The following DLGAP2 variants were observed in gnomAD, a reference collection of about 807,000 sequenced individuals.
DLGAP2 encodes the protein DLG associated protein 2.
DLGAP2 carries 26 observed loss-of-function variants against 100.3 expected under a neutral mutation model. That is an observed-to-expected ratio of 0.26 (90% CI 0.19 to 0.36). The LOEUF is 0.36. DLGAP2 is among the 10% of genes least tolerant of loss of function. The pLI is 1.00. For synonymous variants in DLGAP2, 886 were observed against 630.1 expected (o/e 1.41, Z -6.08); for missense variants, 1,858 against 1,453.2 (o/e 1.28, Z -4.53).
Position 1,417,382 on chromosome 8 carries a change from T to C in DLGAP2, c.107-83984T>C, listed in dbSNP as rs577148031. ...GAAGCTAGCAGCACTGTCACTGCTT[T>C]TATCCTGATCAGGACACGGAGCCTC... On this transcript the variant is annotated intron_variant, in intron 3 of 14. Transcript: ENST00000637795. Among the ~76,000 whole-genome samples the C allele has an allele frequency of 3.9e-5, 6 of 152,344 alleles. No homozygotes were observed. The South Asian group carries it at 1.2e-3, about 32-fold the overall frequency.
intron 6 of DLGAP2, chr8:1,622,257 A>G (rs1371134756): frequency 1.3e-5 from 2 of 152,264 alleles, no homozygotes; most frequent in African/African-American, 4.8e-5. Flanking sequence ...ATTTATAGAA[A>G]TGAGAAGATG....
chr8:752,371 G>A (rs1034252043), intron 1 of DLGAP2, among the ~76,000 whole-genome samples: 1 of 152,214 alleles, frequency 6.6e-6, no homozygotes, highest in Non-Finnish European at 1.5e-5. Context: ...GCCCGGGCCG[G>A]TCTCACACCC....
At chr8:1,062,409 G>A (rs1803111947) in intron 2 of DLGAP2, among the ~76,000 whole-genome samples, 1 of 152,192 alleles carries the variant, frequency 6.6e-6, no homozygotes, top group Non-Finnish European at 1.5e-5. Context: ...TTCCCTGAGT[G>A]TAGGTCTCCC....
intron 2 of DLGAP2, among the ~76,000 whole-genome samples, chr8:1,123,358 C>G (rs1284207380): frequency 6.6e-6 from 1 of 152,136 alleles, no homozygotes; most frequent in African/African-American, 2.4e-5. Flanking sequence ...TAAATTTGCT[C>G]AAGTAACACC....
intron 3 of DLGAP2, among the ~76,000 whole-genome samples, chr8:1,428,683 A>C (rs1219714881): frequency 6.6e-6 from 1 of 152,244 alleles, no homozygotes; most frequent in Non-Finnish European, 1.5e-5. Flanking sequence ...GATGGCTCTC[A>C]ATCATGTAAG....
intron 1 of DLGAP2, among the ~76,000 whole-genome samples, chr8:748,164 CTGCGGTGGGATGGGCGGG>C (rs1820695320): frequency 2.2e-5 from 1 of 45,794 alleles, no homozygotes; most frequent in Non-Finnish European, 4.1e-5. Flanking sequence ...ATGGGCGGGT[CTGCGGTGGGATGGGCGGG>C]TCTGCGGTGG....
intron 3 of DLGAP2, among the ~76,000 whole-genome samples, chr8:1,430,520 C>T (rs2129984568): frequency 6.6e-6 from 1 of 152,306 alleles, no homozygotes; most frequent in Admixed American, 6.5e-5. Context: ...CCTAGGTCTA[C>T]AGGCCTTGTA....
At chr8:1,500,889 C>G (rs929159307) in intron 3 of DLGAP2, among the ~76,000 whole-genome samples, 1 of 152,204 alleles carries the variant, frequency 6.6e-6, no homozygotes, top group African/African-American at 2.4e-5. Context: ...ATCACAAATG[C>G]AGGCTTTGAA....
At chr8:1,308,401 A>C (rs1800540508) in intron 3 of DLGAP2, among the ~76,000 whole-genome samples, 1 of 152,262 alleles carries the variant, frequency 6.6e-6, no homozygotes, top group South Asian at 2.1e-4. Flanking sequence ...CAGCCAAACC[A>C]GAAGAAGGGT....
chr8:1,250,784 C>G (rs1401626350), intron 2 of DLGAP2, among the ~76,000 whole-genome samples: 1 of 152,138 alleles, frequency 6.6e-6, no homozygotes, highest in Non-Finnish European at 1.5e-5. Context: ...AGGAACTGTC[C>G]TACACACGAT....
intron 1 of DLGAP2, among the ~76,000 whole-genome samples, chr8:831,765 G>T (rs1178072789): frequency 3.3e-5 from 5 of 152,158 alleles, no homozygotes; most frequent in African/African-American, 1.2e-4. Flanking sequence ...GGTATTTCTA[G>T]TTCTAGATCC....
At chr8:1,625,401 CT>C (rs1315031000) in intron 6 of DLGAP2, among the ~76,000 whole-genome samples, 2 of 152,218 alleles carry the variant, frequency 1.3e-5, no homozygotes, top group African/African-American at 2.4e-5. Flanking sequence ...TCACAGGGTT[CT>C]TCCATGCTTT....
At chr8:1,650,295 A>T (rs1320535771) in intron 8 of DLGAP2, among the ~76,000 whole-genome samples, 5 of 152,254 alleles carry the variant, frequency 3.3e-5, no homozygotes, top group African/African-American at 7.2e-5. Flanking sequence ...GAAGCTCCAT[A>T]TACATGAAGA....
chr8:1,015,678 T>C (rs1201869953), intron 2 of DLGAP2, among the ~76,000 whole-genome samples: 1 of 62 alleles, frequency 0.016, no homozygotes, highest in African/African-American at 0.05. Flanking sequence ...GGACAGACGA[T>C]GCCTCCACTG....
At chr8:1,598,014 A>G (rs1253974762) in intron 6 of DLGAP2, among the ~76,000 whole-genome samples, 1 of 152,160 alleles carries the variant, frequency 6.6e-6, no homozygotes, top group Non-Finnish European at 1.5e-5. Context: ...TTTGTCATAA[A>G]TAGCTCTTAT....
At chr8:1,686,366 C>A (rs2130868528) in intron 12 of DLGAP2, among the ~76,000 whole-genome samples, 1 of 152,324 alleles carries the variant, frequency 6.6e-6, no homozygotes, top group East Asian at 1.9e-4. Context: ...ACTGCGTAAT[C>A]TCACTCTGAT....
At chr8:1,241,120 C>A (rs1798783377) in intron 2 of DLGAP2, among the ~76,000 whole-genome samples, 1 of 126,826 alleles carries the variant, frequency 7.9e-6, no homozygotes, top group African/African-American at 2.9e-5. Flanking sequence ...GGTTCTCTCG[C>A]ATGGCGCCGT....
intron 3 of DLGAP2, among the ~76,000 whole-genome samples, chr8:1,348,323 T>G (rs1801616521): frequency 1.3e-5 from 2 of 148,218 alleles, no homozygotes; most frequent in South Asian, 4.3e-4. Flanking sequence ...ATGGTAGCTG[T>G]GTGGAGATTG....
At chr8:1,143,700 T>G (rs974692452) in intron 2 of DLGAP2, among the ~76,000 whole-genome samples, 1 of 152,214 alleles carries the variant, frequency 6.6e-6, no homozygotes, top group African/African-American at 2.4e-5. Context: ...TGCTACACGC[T>G]GGCCACCCTA....
Sources: allele counts gnomAD v4.1 joint callset (sites outside exome capture counted in the v4.1 genomes callset), GRCh38; gene constraint gnomAD v4.1.1; transcripts MANE v1.5; gene names NCBI Gene and HGNC (gene_info 2026-07-23, HGNC 2026-07-21).